GPR55: variants seen among roughly 807,000 people sequenced by gnomAD.
The protein encoded by GPR55 is G protein-coupled receptor 55.
In GPR55, 6 loss-of-function variants were observed where a neutral mutation model predicts 7.9. The ratio of observed to expected loss-of-function variants is 0.76; its 90% CI spans 0.41 to 1.49. The LOEUF (loss-of-function observed/expected upper bound fraction) is 1.49. Among genes scored for constraint, GPR55 ranks in the 40% most tolerant of loss-of-function variants. The probability of loss-of-function intolerance (pLI) is 0.01; values close to 1 mark genes in which losing one functional copy is unlikely to be tolerated. For synonymous variants in GPR55, 183 were observed against 166.8 expected (o/e 1.10, Z -0.75); for missense variants, 376 against 406.0 (o/e 0.93, Z 0.63).
At chr2:230,957,701 G>A (rs1369566720) in intron 1 of GPR55, 2 of 548,270 alleles carry the variant, frequency 3.6e-6, no homozygotes, top group Non-Finnish European at 7.4e-6. Flanking sequence ...AATATTGTAT[G>A]GTTCATTAGG....
chr2:230,931,431 A>AT, intron 1 of GPR55, among the ~76,000 whole-genome samples: 1 of 152,324 alleles, frequency 6.6e-6, no homozygotes, highest in South Asian at 2.1e-4. Context: ...CACGAGCTTG[A>AT]TGCAGAGCTG....
At chr2:230,953,952 G>A (rs1033763235) in intron 1 of GPR55, among the ~76,000 whole-genome samples, 4 of 152,220 alleles carry the variant, frequency 2.6e-5, no homozygotes, top group South Asian at 2.1e-4. Context: ...TCCCCAAGGC[G>A]AGTCCTCAGC....
At position 230,924,329 on chromosome 2, in the gene GPR55, C is replaced by T. The variant is rs61385985; in HGVS notation, c.-135+839G>A. ...CCACAGAGCTGTGGGCGGCACTTTG[C>T]CCTGCCCTGTCCTCTCATCCCCACT... is the stretch of plus-strand genomic sequence containing the variant. On this transcript the variant is annotated intron_variant, in intron 1 of 1. Coordinates refer to ENST00000650999, the MANE Select transcript of GPR55 (RefSeq NM_005683.4). The surrounding 1 kb of genome is among the most constrained non-coding windows in gnomAD (Gnocchi z 4.5). Among the ~76,000 whole-genome samples the T allele has an allele frequency of 0.044, 6,672 of 152,270 alleles. 340 individuals carry two copies. The highest frequency in any genetic ancestry group is 0.12 in the African/African-American group (5,182 of 41,514).
intron 1 of GPR55, among the ~76,000 whole-genome samples, chr2:230,948,709 C>T (rs1161910712): frequency 6.6e-6 from 1 of 152,244 alleles, no homozygotes. Flanking sequence ...TATATGCCAG[C>T]ATTTATTTAA....
intron 1 of GPR55, among the ~76,000 whole-genome samples, chr2:230,912,273 G>A (rs542496001): frequency 2.4e-4 from 36 of 152,200 alleles, no homozygotes; most frequent in Non-Finnish European, 2.6e-4. Context: ...AGGTCCTGCC[G>A]TGAGACCCAC....
chr2:230,951,219 G>A (rs540182763), intron 1 of GPR55, among the ~76,000 whole-genome samples: 6 of 152,254 alleles, frequency 3.9e-5, no homozygotes, highest in African/African-American at 1.4e-4. Context: ...CCTGTGGGCT[G>A]TAAGACTATC....
At chr2:230,933,171 C>T (rs1020736564) in intron 1 of GPR55, among the ~76,000 whole-genome samples, 5 of 152,088 alleles carry the variant, frequency 3.3e-5, no homozygotes, top group African/African-American at 1.2e-4. Flanking sequence ...CCCTGAAGTC[C>T]CCTGCCCCGC....
rs1264066657 is a variant in GPR55 at position 230,944,439 on chromosome 2, G to T, written c.-135+16336C>A. On this transcript the variant is annotated intron_variant, in intron 1 of 1. Coordinates refer to the GPR55 transcript ENST00000392039. The surrounding 1 kb of genome is among the most constrained non-coding windows in gnomAD (Gnocchi z 4.2). ...AAGGGGAGAAAGCCTGTGGAGGGAG[G>T]TGGAGGAGCCGTGGTTTCCAGTAAC... 6.6e-6 allele frequency among the ~76,000 whole-genome samples: 1 copy of T among 152,184 alleles called. No individual in the cohort carries two copies.
In GPR55 at chr2:230,920,754, G is replaced by A. The variant is rs537056849; in HGVS notation, c.-135+4414C>T. ...GTTAAATCACCTTGTCTATCTTAACGGGACAAAAGGAAGAGAAGATTCACA... is the reference window on the plus strand; with the variant it reads ...GTTAAATCACCTTGTCTATCTTAACAGGACAAAAGGAAGAGAAGATTCACA... On this transcript the variant is annotated intron_variant, in intron 1 of 1. Coordinates refer to ENST00000650999, the MANE Select transcript of GPR55 (RefSeq NM_005683.4). 3.3e-4 allele frequency among the ~76,000 whole-genome samples: 50 copies of A among 152,080 alleles called. No individual in the cohort carries two copies. The South Asian group carries it at 5.0e-3, about 15-fold the overall frequency.
intron 1 of GPR55, among the ~76,000 whole-genome samples, chr2:230,951,573 C>A (rs796906824): frequency 2.6e-5 from 4 of 152,212 alleles, no homozygotes; most frequent in African/African-American, 9.6e-5. Context: ...GCAACACATA[C>A]CAGGGGCCTT....
intron 1 of GPR55, among the ~76,000 whole-genome samples, chr2:230,919,443 A>G (rs1441505672): frequency 6.6e-6 from 1 of 152,188 alleles, no homozygotes; most frequent in Non-Finnish European, 1.5e-5. Flanking sequence ...CATCAAGAAC[A>G]ACAATAGAAG....
chr2:230,938,397 C>CAAAAAAAAAAA (rs66962280), intron 1 of GPR55, among the ~76,000 whole-genome samples: 1 of 116,286 alleles, frequency 8.6e-6, no homozygotes, highest in Non-Finnish European at 1.9e-5. Context: ...ACCAGATGAC[C>CAAAAAAAAAAA]AAAAAAAAAA....
intron 1 of GPR55, among the ~76,000 whole-genome samples, chr2:230,953,266 T>C (rs1203947311): frequency 3.9e-5 from 6 of 152,192 alleles, no homozygotes; most frequent in Non-Finnish European, 8.8e-5. Context: ...GTATGTTAAA[T>C]TACATGGCAA....
chr2:230,947,218 A>C (rs975046816), intron 1 of GPR55, among the ~76,000 whole-genome samples: 1 of 152,134 alleles, frequency 6.6e-6, no homozygotes, highest in African/African-American at 2.4e-5. Context: ...CTTGGTCAGC[A>C]CCACCAGAGT....
chr2:230,921,653 G>T (rs1574623447), intron 1 of GPR55, among the ~76,000 whole-genome samples: 2 of 152,172 alleles, frequency 1.3e-5, no homozygotes, highest in Admixed American at 1.3e-4. Flanking sequence ...AAGGAAAGTG[G>T]GAATTCCTAA....
upstream of GPR55, chr2:230,928,468 TC>T (rs1690978449): frequency 6.6e-6 from 1 of 152,196 alleles, no homozygotes. Context: ...GAGTTACACA[TC>T]CATTCAATCA....
At position 230,910,501 on chromosome 2, in the gene GPR55, G is replaced by C. The variant is rs1690564376; in HGVS notation, c.462C>G (p.Ile154Met). 2 of 1,614,042 alleles carry C rather than the reference G, an allele frequency of 1.2e-6. No homozygotes were observed. The highest frequency in any genetic ancestry group is 1.7e-6 in the Non-Finnish European group (2 of 1,180,014). ...CTTTCCCATGGAAACTGTAGATAGG[G>C]ATGCTTCCGGTCCACACCAGGACCC... is the stretch of plus-strand genomic sequence containing the variant. Reference protein sequence around the residue: ...TIWVLVWTGSIPIYSFHGKVE... With the variant: ...TIWVLVWTGSMPIYSFHGKVE... The change falls in exon 2 of 2, where the codon ATC (isoleucine) becomes ATG (methionine). Residue 154 changes from isoleucine (I) to methionine (M), a missense_variant. Transcript: ENST00000650999. The surrounding 1 kb of genome is among the most constrained non-coding windows in gnomAD (Gnocchi z 5.4).
At chr2:230,937,985 A>G (rs545287901) in intron 1 of GPR55, among the ~76,000 whole-genome samples, 115 of 151,896 alleles carry the variant, frequency 7.6e-4, no homozygotes, top group African/African-American at 2.3e-3. Context: ...TGAGATCCTC[A>G]TCTCTACCAA....
At chr2:230,942,938 C>T (rs1161196892) in intron 1 of GPR55, among the ~76,000 whole-genome samples, 1 of 151,986 alleles carries the variant, frequency 6.6e-6, no homozygotes, top group African/African-American at 2.4e-5. Context: ...AGAGCACGAC[C>T]CTGGGGCTCT....
Sources: allele counts gnomAD v4.1 joint callset (sites outside exome capture counted in the v4.1 genomes callset), GRCh38; gene constraint gnomAD v4.1.1; non-coding constraint Gnocchi (gnomAD v3.1); transcripts MANE v1.5; gene names NCBI Gene and HGNC (gene_info 2026-07-23, HGNC 2026-07-21).